Variants in TTC23 observed in about 807,000 individuals in gnomAD.
The protein encoded by TTC23 is tetratricopeptide repeat domain 23.
Under a neutral mutation model 55.1 loss-of-function variants are expected in TTC23, and 58 were observed. The ratio of observed to expected loss-of-function variants is 1.05; its 90% confidence interval spans 0.85 to 1.31. The LOEUF is 1.31. TTC23 is among the 50% of genes most tolerant of loss of function. TTC23 has a pLI of 0.00. For missense variants in TTC23, 516 were observed against 534.4 expected, an observed-to-expected ratio of 0.97 and a Z score of 0.34; for synonymous variants, 203 against 199.9, an observed-to-expected ratio of 1.02 and a Z score of -0.13.
intron 8 of TTC23, among the ~76,000 whole-genome samples, chr15:99,204,130 CCT>C (rs1278168043): frequency 6.6e-6 from 1 of 152,110 alleles, no homozygotes; most frequent in African/African-American, 2.4e-5. Context: ...TGAGTGTCCC[CCT>C]TTCTCCACAT....
At chr15:99,242,984 C>G (rs1406005432) in intron 2 of TTC23, among the ~76,000 whole-genome samples, 1 of 151,974 alleles carries the variant, frequency 6.6e-6, no homozygotes, top group Non-Finnish European at 1.5e-5. Context: ...GCAACCAAAA[C>G]AAAAATGGAC....
chr15:99,223,915 T>C (rs1414827399), intron 5 of TTC23, among the ~76,000 whole-genome samples: 1 of 152,100 alleles, frequency 6.6e-6, no homozygotes, highest in Non-Finnish European at 1.5e-5. Flanking sequence ...GAAAGAAAGC[T>C]GAAGGGGTCA....
rs976071372 is a variant in TTC23 at position 99,175,082 on chromosome 15, G to C, written c.833C>G (p.Ala278Gly). 2 of 1,614,198 alleles carry C rather than the reference G, an allele frequency of 1.2e-6. No individual in the cohort carries two copies. Among genetic ancestry groups the C allele is most frequent in the Admixed American group, 3.3e-5 (2 of 60,034 alleles). The change falls in exon 10 of 14, where the codon GCT (alanine) becomes GGT (glycine). Residue 278 changes from alanine (A) to glycine (G), a missense_variant. Transcript: ENST00000394132. ...AADSAHIVAH[A>G]AVASGRHEHH... ...CTCGTGTCTCCCTGAAGCGACAGCA[G>C]CATGGGCGACGATGTGTGCCGAGTC...
At chr15:99,186,262 G>T (rs2074651572) in intron 9 of TTC23, among the ~76,000 whole-genome samples, 2 of 152,132 alleles carry the variant, frequency 1.3e-5, no homozygotes, top group African/African-American at 4.8e-5. Flanking sequence ...ATTTTTTTAA[G>T]GAGCTAAATG....
At chr15:99,191,580 G>A (rs1289913944) in intron 9 of TTC23, among the ~76,000 whole-genome samples, 2 of 152,168 alleles carry the variant, frequency 1.3e-5, no homozygotes, top group Admixed American at 6.5e-5. Flanking sequence ...TGCCATCCAT[G>A]TAAGACATGA....
At chr15:99,250,031 T>C (rs911398732), upstream of TTC23, among the ~76,000 whole-genome samples, 1 of 152,206 alleles carries the variant, frequency 6.6e-6, no homozygotes, top group Non-Finnish European at 1.5e-5. Flanking sequence ...GAGGCTAACA[T>C]TGTTTTCAAA....
chr15:99,143,404 C>CTG (rs1179381384), intron 12 of TTC23, among the ~76,000 whole-genome samples: 1 of 152,186 alleles, frequency 6.6e-6, no homozygotes, highest in East Asian at 1.9e-4. Flanking sequence ...ATTGAACCTG[C>CTG]TGGAGCCAGG....
intron 2 of TTC23, among the ~76,000 whole-genome samples, chr15:99,244,128 T>A (rs1354548285): frequency 6.6e-6 from 1 of 151,964 alleles, no homozygotes; most frequent in African/African-American, 2.4e-5. Flanking sequence ...CTCACAAAAA[T>A]TAAAAATTAA....
At chr15:99,173,705 G>T (rs906825161) in intron 10 of TTC23, among the ~76,000 whole-genome samples, 1 of 152,142 alleles carries the variant, frequency 6.6e-6, no homozygotes, top group African/African-American at 2.4e-5. Flanking sequence ...TGGCTGCCAG[G>T]GCTGGAGCTT....
intron 5 of TTC23, among the ~76,000 whole-genome samples, chr15:99,223,417 G>GGC (rs1199196568): frequency 1.3e-5 from 2 of 152,200 alleles, no homozygotes; most frequent in Non-Finnish European, 2.9e-5. Context: ...ACCAGGGATG[G>GGC]GCATGCATAT....
chr15:99,156,950 T>C (rs1454589470), intron 11 of TTC23, among the ~76,000 whole-genome samples: 10 of 152,168 alleles, frequency 6.6e-5, no homozygotes, highest in Non-Finnish European at 1.2e-4. Flanking sequence ...TCACTAATTG[T>C]GCTGAACACA....
intron 13 of TTC23, among the ~76,000 whole-genome samples, chr15:99,138,585 T>A (rs2067828433): frequency 6.6e-6 from 1 of 152,236 alleles, no homozygotes; most frequent in Non-Finnish European, 1.5e-5. Flanking sequence ...GGTGCTGGGA[T>A]TATAGGCATG....
At chr15:99,228,786 T>C in intron 4 of TTC23, 54 bp from the exon 5 acceptor site, 1 of 1,371,372 alleles carries the variant, frequency 7.3e-7, no homozygotes, top group African/African-American at 1.5e-5. Flanking sequence ...ATAGTTACTT[T>C]TAGAAATATA....
At chr15:99,221,654 T>C in intron 6 of TTC23, 87 bp downstream of exon 6, 1 of 1,539,218 alleles carries the variant, frequency 6.5e-7, no homozygotes, top group Non-Finnish European at 8.8e-7. Flanking sequence ...TTAAAAAACC[T>C]GATCCTTCTA....
rs57795170 is a variant in TTC23, at chr15:99,245,820, CT to C, written c.-430-311del. Among the ~76,000 whole-genome samples, 722 of 141,002 alleles carry C rather than the reference CT, an allele frequency of 5.1e-3. 6 individuals carry two copies. The highest frequency in any genetic ancestry group is 0.017 in the African/African-American group (630 of 38,128). 92.5% of individuals were successfully genotyped at this position (141,002 alleles called of 152,430 possible). A position where few individuals can be genotyped will look rare whatever the true frequency, so the allele number is the denominator to read the frequency against. ...AAATATAGGAGTAAATCTTCATGAACTTTTTTTTTTTTTTTTGAGACAGACT... is the reference window on the plus strand; with the variant it reads ...AAATATAGGAGTAAATCTTCATGAACTTTTTTTTTTTTTTTGAGACAGACT... On this transcript the variant is annotated intron_variant, in intron 1 of 13. Coordinates refer to ENST00000394132, the MANE Select transcript of TTC23 (RefSeq NM_001288615.3).
At chr15:99,243,803 T>C (rs2080007621) in intron 2 of TTC23, among the ~76,000 whole-genome samples, 1 of 152,056 alleles carries the variant, frequency 6.6e-6, no homozygotes, top group Non-Finnish European at 1.5e-5. Context: ...GAGAGTAGAA[T>C]GATGATTACC....
intron 9 of TTC23, among the ~76,000 whole-genome samples, chr15:99,197,605 G>A (rs2075851949): frequency 6.6e-6 from 1 of 151,854 alleles, no homozygotes; most frequent in Non-Finnish European, 1.5e-5. Context: ...ACAGTGAAAG[G>A]TATCAAAAAA....
intron 10 of TTC23, among the ~76,000 whole-genome samples, chr15:99,165,606 C>T (rs926251428): frequency 2.6e-5 from 4 of 152,060 alleles, no homozygotes; most frequent in African/African-American, 7.2e-5. Context: ...TTCTTGTAAC[C>T]CTCTCTTTCA....
At chr15:99,233,212 G>A (rs1023025455) in intron 4 of TTC23, among the ~76,000 whole-genome samples, 1 of 152,182 alleles carries the variant, frequency 6.6e-6, no homozygotes, top group African/African-American at 2.4e-5. Flanking sequence ...TAAGAAAGTA[G>A]ATTTCAAGTG....
Sources: gnomAD v4.1 joint callset for allele counts (sites outside exome capture counted in the v4.1 genomes callset) on GRCh38, gnomAD v4.1.1 for gene constraint, MANE v1.5 for transcripts, NCBI Gene and HGNC (gene_info 2026-07-23, HGNC 2026-07-21) for gene names.